The following UNC5B variants were observed in gnomAD, a reference collection of about 807,000 sequenced individuals.
The protein encoded by UNC5B is netrin receptor UNC5B.
UNC5B carries 56 observed loss-of-function variants against 103.7 expected under a neutral mutation model. That is an observed-to-expected ratio of 0.54 (90% CI 0.44 to 0.67). The LOEUF is 0.67. Ranked by LOEUF, UNC5B falls within the 30% of genes least tolerant of loss-of-function variation. The pLI, the probability that UNC5B is intolerant of heterozygous loss-of-function variation, is 0.00. For missense variants in UNC5B, 1,194 were observed against 1,284.5 expected, an observed-to-expected ratio of 0.93 and a Z score of 1.08; for synonymous variants, 577 against 542.0, an observed-to-expected ratio of 1.06 and a Z score of -0.90.
At chr10:71,264,971 TAAA>T (rs34240729) in intron 1 of UNC5B, among the ~76,000 whole-genome samples, 367 of 120,804 alleles carry the variant, frequency 3.0e-3, no homozygotes, top group African/African-American at 4.7e-3. Context: ...CCTGTCTCTA[TAAA>T]AAAAAAAAAA....
chr10:71,286,254 G>A (rs996090952), intron 4 of UNC5B, among the ~76,000 whole-genome samples: 1 of 152,166 alleles, frequency 6.6e-6, no homozygotes, highest in African/African-American at 2.4e-5. Context: ...CAGACCCGGG[G>A]ACCTTCTTCG....
intron 1 of UNC5B, among the ~76,000 whole-genome samples, chr10:71,271,309 G>A (rs561438741): frequency 1.4e-4 from 21 of 152,354 alleles, no homozygotes; most frequent in African/African-American, 5.1e-4. Flanking sequence ...AATGTGCGCT[G>A]TCTCGTTGGA....
chr10:71,291,710 C>T lies in UNC5B; in HGVS notation c.1573C>T (p.Arg525Cys), dbSNP rs372810875. The T allele has an allele frequency of 4.2e-5, 67 of 1,612,794 alleles. 1 individual carries two copies. The highest frequency in any genetic ancestry group is 3.6e-4 in the East Asian group (16 of 44,876). ...FARDTHFLHL[R>C]SASLGSQQLL... ...CCGGGACACCCACTTCCTGCACCTGCGCAGCGCCAGCCTCGGTTCCCAGCA... is the reference window on the plus strand; with the variant it reads ...CCGGGACACCCACTTCCTGCACCTGTGCAGCGCCAGCCTCGGTTCCCAGCA... Residue 525 changes from arginine (R) to cysteine (C), a missense_variant, in exon 10 of 17, where the codon CGC (arginine) becomes TGC (cysteine). By Grantham distance (180) the Arg-to-Cys change is radical. Coordinates refer to ENST00000335350, the MANE Select transcript of UNC5B (RefSeq NM_170744.5).
Position 71,285,437 on chromosome 10 carries a change from G to C in UNC5B, c.552+8G>C. On this transcript the variant is annotated splice_region_variant and intron_variant, in intron 4 of 16. Transcript: ENST00000335350. ...GGGGTGCCTGTGGCCGAGGTGAGCG[G>C]GGACGTAGGGACCACTGAGCACGGC... 6.3e-7 allele frequency: 1 copy of C among 1,576,938 alleles called. No homozygotes were observed. The highest frequency in any genetic ancestry group is 8.6e-7 in the Non-Finnish European group (1 of 1,164,640).
chr10:71,293,441 C>G lies in UNC5B; in HGVS notation c.1809C>G (p.Pro603=). 6.2e-7 allele frequency: 1 copy of G among 1,614,078 alleles called. No homozygotes were observed. Among genetic ancestry groups the G allele is most frequent in the Non-Finnish European group, 8.5e-7 (1 of 1,180,010 alleles). The change falls in exon 12 of 17, where the codon CCC becomes CCG. Residue 603 remains proline (P), a synonymous_variant. Transcript: ENST00000335350. The part of the protein sequence containing the change: ...LSEGTQTVLS[P]SVTCGPTGLL... ...AAGGGACCCAGACAGTATTGAGCCC[C>G]TCGGTGACCTGTGGACCCACAGGCC...
chr10:71,226,264 G>A (rs1843562088), intron 1 of UNC5B, among the ~76,000 whole-genome samples: 1 of 152,076 alleles, frequency 6.6e-6, no homozygotes, highest in African/African-American at 2.4e-5. Flanking sequence ...TAGTAGAGAT[G>A]GGGTTTCACC....
intron 1 of UNC5B, 137 bp from the exon 2 acceptor site, chr10:71,279,684 G>A (rs566895758): frequency 4.1e-5 from 36 of 880,894 alleles, no homozygotes; most frequent in South Asian, 2.5e-4. Flanking sequence ...TGCAGATTAC[G>A]TCCCCAGGAG....
At chr10:71,268,832 T>C (rs578156977) in intron 1 of UNC5B, among the ~76,000 whole-genome samples, 54 of 152,310 alleles carry the variant, frequency 3.5e-4, no homozygotes, top group African/African-American at 1.1e-3. Flanking sequence ...TTTTGGACTT[T>C]TCTGGGAGAA....
At chr10:71,283,217 G>T (rs976219097) in intron 2 of UNC5B, among the ~76,000 whole-genome samples, 1 of 152,322 alleles carries the variant, frequency 6.6e-6, no homozygotes, top group Middle Eastern at 3.4e-3. Context: ...CTTGCTAGGG[G>T]ACTTGGTGCC....
chr10:71,289,027 G>A, intron 8 of UNC5B, 37 bp downstream of exon 8: 5 of 1,614,118 alleles, frequency 3.1e-6, no homozygotes, highest in Non-Finnish European at 4.2e-6. Context: ...TTTCCTCTGG[G>A]GGATCCCTGG....
intron 13 of UNC5B, among the ~76,000 whole-genome samples, chr10:71,294,747 G>A (rs978798120): frequency 2.0e-5 from 3 of 152,200 alleles, no homozygotes; most frequent in African/African-American, 7.2e-5. Flanking sequence ...TGCAGATGAG[G>A]GGTGGTTGGG....
At chr10:71,298,385 G>A (rs892791937) in intron 16 of UNC5B, among the ~76,000 whole-genome samples, 7 of 152,156 alleles carry the variant, frequency 4.6e-5, no homozygotes, top group Admixed American at 1.3e-4. Context: ...CGAACAGCAG[G>A]AGACTCAAAG....
chr10:71,269,674 C>T (rs1844600789), intron 1 of UNC5B, among the ~76,000 whole-genome samples: 1 of 152,070 alleles, frequency 6.6e-6, no homozygotes, highest in South Asian at 2.1e-4. Context: ...AAACAAGATT[C>T]CCAGGCCCTC....
intron 1 of UNC5B, among the ~76,000 whole-genome samples, chr10:71,278,459 A>C (rs1589188249): frequency 6.7e-6 from 1 of 150,214 alleles, no homozygotes; most frequent in Non-Finnish European, 1.5e-5. Flanking sequence ...CCCCACCCCC[A>C]CCGCCCGTAC....
In UNC5B at chr10:71,213,659, C is replaced by T. The variant is rs1267723982; in HGVS notation, c.79+595C>T. 1.4e-5 allele frequency among the ~76,000 whole-genome samples: 2 copies of T among 144,644 alleles called. No homozygotes were observed. Among genetic ancestry groups the T allele is most frequent in the Non-Finnish European group, 3.0e-5 (2 of 66,140 alleles). The allele number at this position is 144,644 out of a possible 152,430, so 94.9% of individuals were successfully genotyped here. ...CATAGCTTTCCCCGAGATCGCTGGGCCCGCAGGTCTGGAAGAATTATTATT... is the reference window on the plus strand; with the variant it reads ...CATAGCTTTCCCCGAGATCGCTGGGTCCGCAGGTCTGGAAGAATTATTATT... On this transcript the variant is annotated intron_variant, in intron 1 of 16. Transcript: ENST00000335350. This position sits in a 1 kb window ranked among gnomAD's most constrained non-coding sequence, Gnocchi z 4.1.
intron 1 of UNC5B, among the ~76,000 whole-genome samples, chr10:71,265,570 C>T (rs1360750842): frequency 6.6e-6 from 1 of 152,248 alleles, no homozygotes; most frequent in Non-Finnish European, 1.5e-5. Context: ...ACCCTGGGCT[C>T]ATGGGGGCTT....
At chr10:71,291,883 A>C in intron 10 of UNC5B, 62 bp downstream of exon 10, 1 of 1,516,690 alleles carries the variant, frequency 6.6e-7, no homozygotes, top group Non-Finnish European at 8.8e-7. Context: ...GGACTGCCCC[A>C]ACACCCATCC....
Position 71,290,900 on chromosome 10 carries a change from C to G in UNC5B, c.1100-15C>G, listed in dbSNP as rs1367233230. ...GGTCTCTGCTGCCCCTTATGTGGTC[C>G]TCCTGTCCCCGCAGTGCTGGAGGCC... On this transcript the variant is annotated splice_polypyrimidine_tract_variant and intron_variant, in intron 8 of 16. Transcript: ENST00000335350. The G allele has an allele frequency of 6.2e-7, 1 of 1,604,106 alleles. No individual in the cohort carries two copies. Among genetic ancestry groups the G allele is most frequent in the Non-Finnish European group, 8.5e-7 (1 of 1,176,176 alleles).
At chr10:71,249,659 C>T (rs1844128599) in intron 1 of UNC5B, among the ~76,000 whole-genome samples, 2 of 152,182 alleles carry the variant, frequency 1.3e-5, no homozygotes, top group African/African-American at 2.4e-5. Flanking sequence ...CTACCACCCT[C>T]ATCTCTCTCC....
Sources: allele counts gnomAD v4.1 joint callset (sites outside exome capture counted in the v4.1 genomes callset), GRCh38; gene constraint gnomAD v4.1.1; non-coding constraint Gnocchi (gnomAD v3.1); transcripts MANE v1.5; gene names NCBI Gene and HGNC (gene_info 2026-07-23, HGNC 2026-07-21).